The following GLI3 variants were observed in gnomAD, a reference collection of about 807,000 sequenced individuals.
The protein encoded by GLI3 is transcription activator GLI3.
In GLI3, 20 loss-of-function variants were observed where a neutral mutation model predicts 100.8. That is an observed-to-expected ratio of 0.20 (90% confidence interval 0.14 to 0.29). The LOEUF (loss-of-function observed/expected upper bound fraction) is 0.29. Among genes scored for constraint, GLI3 ranks in the 10% least tolerant of loss-of-function variants. GLI3 has a pLI of 1.00. For missense variants in GLI3, 2,040 were observed against 2,128.5 expected (o/e 0.96, Z 0.82); for synonymous variants, 938 against 860.5 (o/e 1.09, Z -1.58).
intron 3 of GLI3, among the ~76,000 whole-genome samples, chr7:42,092,877 G>A (rs1433204483): frequency 2.6e-5 from 4 of 151,728 alleles, no homozygotes; most frequent in Admixed American, 6.6e-5. Flanking sequence ...GCAGTGGTGC[G>A]ATCTCAGCTC....
chr7:42,254,217 TA>T (rs3057276), intron 1 of GLI3, among the ~76,000 whole-genome samples: 149 of 118,476 alleles, frequency 1.3e-3, no homozygotes, highest in East Asian at 2.0e-3. Context: ...AAAACTCCGT[TA>T]AAAAAAAAAA....
At chr7:42,255,133 T>A (rs746646532) in intron 1 of GLI3, among the ~76,000 whole-genome samples, 4 of 152,070 alleles carry the variant, frequency 2.6e-5, no homozygotes, top group Non-Finnish European at 4.4e-5. Flanking sequence ...GCTATTTTTT[T>A]CTTCCCCACT....
Position 41,966,006 on chromosome 7 carries a change from G to T in GLI3, c.3067C>A (p.Arg1023Ser). ...SEGLALPRVP[R>S]FSSLSSCNPP... ...TTGCAGCTGCTGAGGCTGCTGAAGC[G>T]CGGCACACGAGGCAGGGCCAGGCCC... Residue 1023 changes from arginine to serine, a missense_variant, in exon 15 of 15, where the codon CGC becomes AGC. Physicochemically the swap from Arg to Ser is moderately radical, Grantham distance 110. This residue lies in a region of GLI3 where 1,041 missense variants were observed against 924.0 expected (regional missense o/e 1.13). Coordinates refer to ENST00000395925, the MANE Select transcript of GLI3 (RefSeq NM_000168.6). The surrounding 1 kb of genome is among the most constrained non-coding windows in gnomAD (Gnocchi z 5.8). 6.2e-7 allele frequency: 1 copy of T among 1,600,768 alleles called. No homozygotes were observed. Among genetic ancestry groups the T allele is most frequent in the Non-Finnish European group, 8.5e-7 (1 of 1,178,696 alleles).
intron 7 of GLI3, among the ~76,000 whole-genome samples, chr7:42,030,264 T>A (rs1417522905): frequency 3.3e-5 from 5 of 152,120 alleles, no homozygotes; most frequent in Non-Finnish European, 5.9e-5. Flanking sequence ...ATTACATCAC[T>A]GCCACCCGGA....
At chr7:42,014,881 G>C (rs1302884399) in intron 10 of GLI3, among the ~76,000 whole-genome samples, 1 of 152,208 alleles carries the variant, frequency 6.6e-6, no homozygotes, top group Non-Finnish European at 1.5e-5. Flanking sequence ...ACAGCAGCCT[G>C]CATAGGCGAG....
intron 3 of GLI3, among the ~76,000 whole-genome samples, chr7:42,087,312 T>C (rs1785123052): frequency 6.6e-6 from 1 of 152,164 alleles, no homozygotes; most frequent in African/African-American, 2.4e-5. Flanking sequence ...ATGCTTCCCA[T>C]GTTCAGAGTG....
At chr7:42,152,447 T>A in intron 2 of GLI3, 1 of 984,632 alleles carries the variant, frequency 1.0e-6, no homozygotes, top group Middle Eastern at 5.2e-4. Flanking sequence ...ATTCTCGGTA[T>A]CTCTCTGCCT....
intron 3 of GLI3, among the ~76,000 whole-genome samples, chr7:42,140,196 T>C (rs1786533466): frequency 6.6e-6 from 1 of 152,228 alleles, no homozygotes. Flanking sequence ...GTCCCTCACC[T>C]GCTCCCAAAG....
chr7:42,099,110 A>G (rs1227943959), intron 3 of GLI3, among the ~76,000 whole-genome samples: 1 of 152,112 alleles, frequency 6.6e-6, no homozygotes, highest in Non-Finnish European at 1.5e-5. Context: ...CTGCCCAGGG[A>G]CTTCATGCTC....
intron 1 of GLI3, among the ~76,000 whole-genome samples, chr7:42,230,098 C>CCG (rs1232775676): frequency 2.3e-5 from 1 of 42,784 alleles, no homozygotes; most frequent in Non-Finnish European, 4.0e-5. Flanking sequence ...AAGGGTTGGG[C>CCG]GGGGGGGGGG....
intron 1 of GLI3, among the ~76,000 whole-genome samples, chr7:42,230,007 C>T (rs544645965): frequency 7.1e-6 from 1 of 140,454 alleles, no homozygotes; most frequent in African/African-American, 2.7e-5. Flanking sequence ...ATATGCATAA[C>T]CTTTGTGACA....
rs531106410 is a variant in GLI3 at position 42,145,620 on chromosome 7, A to G, written c.367+2606T>C. 8.2e-4 allele frequency: 291 copies of G among 355,692 alleles called. 2 individuals carry two copies. Among genetic ancestry groups the G allele is most frequent in the African/African-American group, 7.7e-3 (276 of 36,050 alleles). The allele number at this position is 355,692 out of a possible 1,614,324, so 22.0% of individuals were successfully genotyped here. On this transcript the variant is annotated intron_variant, in intron 3 of 14. Coordinates refer to ENST00000395925, the MANE Select transcript of GLI3 (RefSeq NM_000168.6). ...AGGTGACCAGGTCTGGCAAGAAAGA[A>G]AGAAAAAAAAAAAAAACAGTCTACA...
Position 42,005,962 on chromosome 7 carries a change from TA to T in GLI3, c.1497+17505del, listed in dbSNP as rs1210543963. ...AGTCCCAAGTTCAGCATGGTCTCCATAAGCGAAATGATGTTACAACTCTTAG... is the reference window on the plus strand; with the variant it reads ...AGTCCCAAGTTCAGCATGGTCTCCATAGCGAAATGATGTTACAACTCTTAG... On this transcript the variant is annotated intron_variant, in intron 10 of 14. Transcript: ENST00000395925. Among the ~76,000 whole-genome samples, 5 of 152,138 alleles carry T rather than the reference TA, an allele frequency of 3.3e-5. No homozygotes were observed. The South Asian group carries it at 6.2e-4, about 19-fold the overall frequency.
At chr7:42,162,965 CTTTTTTTTTTTTTTT>C (rs58993499) in intron 2 of GLI3, among the ~76,000 whole-genome samples, 14 of 95,594 alleles carry the variant, frequency 1.5e-4, no homozygotes, top group African/African-American at 3.5e-4. Flanking sequence ...GAATAAACAC[CTTTTTTTTTTTTTTT>C]TTTTTTTTTT....
chr7:42,069,593 GC>G (rs1301212199), intron 4 of GLI3, among the ~76,000 whole-genome samples: 1 of 152,068 alleles, frequency 6.6e-6, no homozygotes, highest in East Asian at 1.9e-4. Flanking sequence ...CAGTAGAAAA[GC>G]ATAAAAGTAG....
chr7:42,230,190 C>G (rs1011271152), intron 1 of GLI3, among the ~76,000 whole-genome samples: 1 of 150,276 alleles, frequency 6.7e-6, no homozygotes, highest in Non-Finnish European at 1.5e-5. Flanking sequence ...ATTATTTTAC[C>G]TGTATATATG....
intron 3 of GLI3, among the ~76,000 whole-genome samples, chr7:42,133,010 C>A (rs1786332119): frequency 6.6e-6 from 1 of 152,146 alleles, no homozygotes; most frequent in South Asian, 2.1e-4. Context: ...GTTACTAACA[C>A]CATAATCCTC....
chr7:42,244,829 G>C (rs1788956475), intron 1 of GLI3, among the ~76,000 whole-genome samples: 1 of 152,166 alleles, frequency 6.6e-6, no homozygotes, highest in Admixed American at 6.5e-5. Context: ...CCAAATAAGA[G>C]AGACTTGGTC....
chr7:42,197,486 A>G (rs1364735642), intron 2 of GLI3, among the ~76,000 whole-genome samples: 1 of 152,224 alleles, frequency 6.6e-6, no homozygotes. Flanking sequence ...ACTTGCTCTT[A>G]GAGAGCAGGG....
Sources: allele counts gnomAD v4.1 joint callset (sites outside exome capture counted in the v4.1 genomes callset), GRCh38; gene constraint gnomAD v4.1.1; regional missense constraint gnomAD v4.1.1; non-coding constraint Gnocchi (gnomAD v3.1); transcripts MANE v1.5; gene names NCBI Gene and HGNC (gene_info 2026-07-23, HGNC 2026-07-21).